DNMT3B: variants seen among roughly 807,000 people sequenced by gnomAD.
DNMT3B encodes the protein DNA (cytosine-5)-methyltransferase 3B.
A neutral mutation model predicts 120.2 loss-of-function variants in DNMT3B; 37 were observed. That is an observed-to-expected ratio of 0.31 (90% confidence interval 0.24 to 0.40). The LOEUF (loss-of-function observed/expected upper bound fraction) is 0.40, where lower values mean the gene tolerates loss of function less well. Ranked by LOEUF, DNMT3B falls within the 10% of genes least tolerant of loss-of-function variation. The probability of loss-of-function intolerance (pLI) is 1.00; values close to 1 mark genes in which losing one functional copy is unlikely to be tolerated. For synonymous variants in DNMT3B, 412 were observed against 442.8 expected (o/e 0.93, Z 0.87); for missense variants, 878 against 1,137.3 (o/e 0.77, Z 3.28).
Position 32,807,855 on chromosome 20 carries a change from C to G in DNMT3B, c.2514C>G (p.Val838=). 6.2e-7 allele frequency: 1 copy of G among 1,614,246 alleles called. No individual in the cohort carries two copies. Among genetic ancestry groups the G allele is most frequent in the Non-Finnish European group, 8.5e-7 (1 of 1,180,050 alleles). ...KLLGRSWSVP[V]IRHLFAPLKD... ...TGGGAAGGTCCTGGAGCGTGCCTGT[C>G]ATCCGACACCTCTTCGCCCCTCTGA... Residue 838 remains valine (V), a synonymous_variant, in exon 23 of 23, where the codon GTC becomes GTG. Coordinates refer to ENST00000328111, the MANE Select transcript of DNMT3B (RefSeq NM_006892.4).
chr20:32,772,870 A>T (rs1351596365), intron 1 of DNMT3B, among the ~76,000 whole-genome samples: 4 of 119,988 alleles, frequency 3.3e-5, no homozygotes, highest in Admixed American at 2.7e-4. Context: ...CCCTGTTTGG[A>T]CACATTTTTT....
In DNMT3B at chr20:32,770,561, C is replaced by T. The variant is rs1242250319; in HGVS notation, c.-7+7862C>T. Among the ~76,000 whole-genome samples the T allele has an allele frequency of 7.2e-5, 11 of 152,068 alleles. No individual in the cohort carries two copies. In the Middle Eastern group the frequency reaches 0.014, roughly 189 times the overall value. On this transcript the variant is annotated intron_variant, in intron 1 of 22. Coordinates refer to ENST00000328111, the MANE Select transcript of DNMT3B (RefSeq NM_006892.4). ...ACCTCAGGTGAGCCGCCCACCTTGG[C>T]CTCCCAAAGTGCTGGAATTATAGGC...
intron 12 of DNMT3B, 26 bp downstream of exon 12, chr20:32,795,720 C>A: frequency 1.2e-6 from 2 of 1,613,758 alleles, no homozygotes; most frequent in Non-Finnish European, 1.7e-6. Context: ...TCCCAGTCAT[C>A]CCCCTCACAC....
Position 32,780,337 on chromosome 20 carries a change from C to G in DNMT3B, c.14C>G (p.Thr5Ser), listed in dbSNP as rs201455430. 15 of 1,613,896 alleles carry G rather than the reference C, an allele frequency of 9.3e-6. No individual in the cohort carries two copies. The African/African-American group carries it at 1.7e-4, about 19-fold the overall frequency. Residue 5 changes from threonine to serine, a missense_variant, in exon 2 of 23, where the codon ACC (threonine) becomes AGC (serine). Around this residue, in one of 4 missense-constraint regions of DNMT3B, gnomAD observed 287 missense variants for 306.2 expected, o/e 0.94. Transcript: ENST00000328111. ...CCACAGGAAAGCATGAAGGGAGACA[C>G]CAGGCATCTCAATGGAGAGGAGGAC... MKGD[T>S]RHLNGEEDAG...
chr20:32,800,554 G>A (rs1372321314), intron 17 of DNMT3B, among the ~76,000 whole-genome samples: 2 of 152,130 alleles, frequency 1.3e-5, no homozygotes, highest in Non-Finnish European at 2.9e-5. Context: ...TGCCTCCCGG[G>A]TTTAAGCGAT....
chr20:32,796,913 C>T, intron 13 of DNMT3B, 44 bp downstream of exon 13: 1 of 1,614,168 alleles, frequency 6.2e-7, no homozygotes, highest in Non-Finnish European at 8.5e-7. Flanking sequence ...CCCCTTGCCT[C>T]CTCTAACTCC....
At chr20:32,787,134 C>T in intron 5 of DNMT3B, 96 bp from the exon 6 acceptor site, 2 of 1,442,246 alleles carry the variant, frequency 1.4e-6, no homozygotes, top group South Asian at 1.1e-5. Context: ...AGTCTTTCCT[C>T]TTTCTTTTTG....
chr20:32,769,214 A>G (rs1987568648), intron 1 of DNMT3B, among the ~76,000 whole-genome samples: 1 of 152,084 alleles, frequency 6.6e-6, no homozygotes, highest in Non-Finnish European at 1.5e-5. Context: ...CCTCCCTAGT[A>G]GTAGCTGGGA....
At chr20:32,797,981 T>C (rs1436298580) in intron 14 of DNMT3B, among the ~76,000 whole-genome samples, 3 of 152,020 alleles carry the variant, frequency 2.0e-5, no homozygotes, top group African/African-American at 7.2e-5. Flanking sequence ...TGGCCTATTT[T>C]TTGTAATAAA....
At chr20:32,773,382 C>T (rs1476311085) in intron 1 of DNMT3B, among the ~76,000 whole-genome samples, 1 of 152,162 alleles carries the variant, frequency 6.6e-6, no homozygotes, top group African/African-American at 2.4e-5. Flanking sequence ...AGGCACTGAG[C>T]AATTCCCCAA....
chr20:32,805,828 G>C (rs947407196), intron 21 of DNMT3B, among the ~76,000 whole-genome samples: 2 of 151,860 alleles, frequency 1.3e-5, no homozygotes, highest in African/African-American at 4.8e-5. Context: ...TCTGTATCTG[G>C]GTGGTTTTTA....
In DNMT3B at chr20:32,787,220, C is replaced by T. The variant is rs371656670; in HGVS notation, c.433-10C>T. On this transcript the variant is annotated splice_polypyrimidine_tract_variant and intron_variant, in intron 5 of 22. Coordinates refer to ENST00000328111, the MANE Select transcript of DNMT3B (RefSeq NM_006892.4). ...GCTCTGGCCCAAACTATGTGTCCTT[C>T]TGTCCACAGTCCCTGAGACGGCGGG... 5.0e-5 allele frequency: 81 copies of T among 1,614,126 alleles called. No homozygotes were observed. The highest frequency in any genetic ancestry group is 6.5e-5 in the Non-Finnish European group (77 of 1,180,050).
At chr20:32,805,191 C>A in intron 20 of DNMT3B, 147 bp from the exon 21 acceptor site, 1 of 1,046,342 alleles carries the variant, frequency 9.6e-7, no homozygotes, top group Non-Finnish European at 1.5e-6. Context: ...CAGGCTTGTG[C>A]TCATGCCAGG....
In DNMT3B at chr20:32,801,332, C is replaced by T; in HGVS notation, c.2051C>T (p.Pro684Leu). Residue 684 changes from proline (P) to leucine (L), a missense_variant, in exon 19 of 23, where the codon CCC (proline) becomes CTC (leucine). Pro to Leu is a moderately conservative substitution (Grantham distance 98). This residue lies in a region of DNMT3B where 334 missense variants were observed against 518.8 expected (regional missense o/e 0.64). Transcript: ENST00000328111. ...TACCACCTGCTGAATTACTCACGCC[C>T]CAAGGAGGGTGATGACCGGCCGTTC... ...EFYHLLNYSR[P>L]KEGDDRPFFW... is the part of the protein sequence containing the mutation. 6.2e-7 allele frequency: 1 copy of T among 1,614,130 alleles called. No homozygotes were observed. The highest frequency in any genetic ancestry group is 8.5e-7 in the Non-Finnish European group (1 of 1,180,030).
chr20:32,780,022 A>G (rs1978384919), intron 1 of DNMT3B: 1 of 1,521,608 alleles, frequency 6.6e-7, no homozygotes, highest in African/African-American at 1.4e-5. Context: ...GGGCCGGCTA[A>G]TTGCACAGAG....
chr20:32,803,553 C>T (rs540353792), intron 20 of DNMT3B, among the ~76,000 whole-genome samples: 2 of 152,300 alleles, frequency 1.3e-5, no homozygotes, highest in African/African-American at 2.4e-5. Flanking sequence ...TTGCCATTTT[C>T]ATGGTTAAAC....
chr20:32,789,826 T>G (rs1414156701), intron 7 of DNMT3B, among the ~76,000 whole-genome samples: 5 of 152,178 alleles, frequency 3.3e-5, no homozygotes, highest in African/African-American at 1.2e-4. Context: ...ACTCCTGACC[T>G]CAGATGATCC....
chr20:32,799,807 C>T (rs368881625), intron 16 of DNMT3B, among the ~76,000 whole-genome samples: 3 of 152,176 alleles, frequency 2.0e-5, no homozygotes, highest in Admixed American at 6.5e-5. Context: ...CATGAACCAC[C>T]GTGCCTGGGC....
At position 32,786,483 on chromosome 20, in the gene DNMT3B, T is replaced by G. The variant is rs765780486; in HGVS notation, c.307-19T>G. ...CTCCAGTCACCTAAGGCCCAGTGAG[T>G]GTCCTCTCTTGCTTCTAGGTCCGAA... is the stretch of plus-strand genomic sequence containing the variant. On this transcript the variant is annotated intron_variant, in intron 4 of 22. Coordinates refer to ENST00000328111, the MANE Select transcript of DNMT3B (RefSeq NM_006892.4). 6.2e-7 allele frequency: 1 copy of G among 1,613,950 alleles called. No homozygotes were observed.
Sources: allele counts gnomAD v4.1 joint callset (sites outside exome capture counted in the v4.1 genomes callset), GRCh38; gene constraint gnomAD v4.1.1; regional missense constraint gnomAD v4.1.1; transcripts MANE v1.5; gene names NCBI Gene and HGNC (gene_info 2026-07-23, HGNC 2026-07-21).